The following PRAMEF20 variants were observed in gnomAD, a reference collection of about 807,000 sequenced individuals.
PRAMEF20 encodes PRAME family member 20/21.
In PRAMEF20, 27 loss-of-function variants were observed where a neutral mutation model predicts 32.4. The observed-to-expected ratio is 0.83, with a 90% confidence interval of 0.61 to 1.15. The LOEUF (loss-of-function observed/expected upper bound fraction) is 1.15, where lower values mean the gene tolerates loss of function less well. PRAMEF20 is among the 50% of genes most tolerant of loss of function. PRAMEF20 has a pLI of 0.00. For missense variants in PRAMEF20, 604 were observed against 584.5 expected, an observed-to-expected ratio of 1.03 and a Z score of -0.34; for synonymous variants, 256 against 235.4, an observed-to-expected ratio of 1.09 and a Z score of -0.80.
chr1:13,420,268 T>A (rs1192805615), intron 2 of PRAMEF20, among the ~76,000 whole-genome samples: 1 of 152,174 alleles, frequency 6.6e-6, no homozygotes, highest in African/African-American at 2.4e-5. Context: ...TGGAGTGCAG[T>A]GGCACGATCT....
At chr1:13,418,367 T>C (rs1641205755) in exon 2 of PRAMEF20, 2 of 1,613,902 alleles carry the variant, frequency 1.2e-6, no homozygotes, top group South Asian at 1.1e-5. Context: ...GAAGGTTTAG[T>C]ACACCTGTGC....
exon 2 of PRAMEF20, chr1:13,418,492 G>A (rs1228443310): frequency 3.3e-5 from 53 of 1,613,782 alleles, no homozygotes; most frequent in Middle Eastern, 1.6e-4. Flanking sequence ...GACACTGCCC[G>A]TCCTGGCAGA....
intron 2 of PRAMEF20, among the ~76,000 whole-genome samples, chr1:13,419,244 C>G (rs1641216569): frequency 6.6e-6 from 1 of 152,156 alleles, no homozygotes; most frequent in Non-Finnish European, 1.5e-5. Flanking sequence ...ACCTCTGCCT[C>G]CTGGGTTCAA....
intron 1 of PRAMEF20, among the ~76,000 whole-genome samples, chr1:13,417,910 T>TTGTGTGTGTGTGTGTGTGTGTGTGTG (rs71272484): frequency 1.3e-3 from 163 of 124,260 alleles, no homozygotes; most frequent in Non-Finnish European, 2.0e-3. Flanking sequence ...CCCGGCTAAT[T>TTGTGTGTGTGTGTGTGTGTGTGTGTG]TGTGTGTGTG....
exon 2 of PRAMEF20, chr1:13,418,700 G>A (rs1641211233): frequency 3.1e-6 from 5 of 1,613,402 alleles, no homozygotes; most frequent in East Asian, 2.2e-5. Flanking sequence ...CAGATGCTCA[G>A]GTGAGGAAGG....
At chr1:13,412,880 C>T (rs563931731), upstream of PRAMEF20, among the ~76,000 whole-genome samples, 11 of 152,040 alleles carry the variant, frequency 7.2e-5, no homozygotes, top group South Asian at 2.1e-4. Context: ...GCCAAAATGA[C>T]GCCACTGCAC....
intron 2 of PRAMEF20, 101 bp downstream of exon 3, chr1:13,418,801 G>A: frequency 4.4e-6 from 7 of 1,581,804 alleles, no homozygotes; most frequent in Non-Finnish European, 6.0e-6. Context: ...TAACAGTAAA[G>A]GGGACACTAG....
chr1:13,419,594 G>A (rs1238907103), intron 2 of PRAMEF20, among the ~76,000 whole-genome samples: 9 of 151,756 alleles, frequency 5.9e-5, no homozygotes, highest in Non-Finnish European at 1.0e-4. Flanking sequence ...GCTAATTTTT[G>A]TTGTATTTTT....
At chr1:13,418,775 C>G in intron 2 of PRAMEF20, 75 bp downstream of exon 3, 1 of 1,605,092 alleles carries the variant, frequency 6.2e-7, no homozygotes, top group Non-Finnish European at 8.5e-7. Flanking sequence ...CTACTGTGAG[C>G]CAGCCTATGA....
upstream of PRAMEF20, among the ~76,000 whole-genome samples, chr1:13,412,064 T>G (rs1014361086): frequency 5.9e-4 from 89 of 151,194 alleles, no homozygotes; most frequent in African/African-American, 2.1e-3. Flanking sequence ...TTTAATTAAT[T>G]TATTTATTTA....
At chr1:13,418,445 T>A (rs1289414380) in exon 2 of PRAMEF20, 1 of 1,613,840 alleles carries the variant, frequency 6.2e-7, no homozygotes, top group Non-Finnish European at 8.5e-7. Context: ...ACAGTCAACC[T>A]AGACTGTATC....
chr1:13,412,170 A>G (rs1641120979), upstream of PRAMEF20, among the ~76,000 whole-genome samples: 1 of 152,098 alleles, frequency 6.6e-6, no homozygotes, highest in Non-Finnish European at 1.5e-5. Context: ...GGCATGAGCC[A>G]CCACACCAAG....
exon 1 of PRAMEF20, chr1:13,416,552 G>A (rs968459563): frequency 6.2e-7 from 1 of 1,614,168 alleles, no homozygotes. Flanking sequence ...GCCTTCCTCT[G>A]GGGTCTCTGA....
At chr1:13,421,147 G>A in exon 3 of PRAMEF20, 1 of 1,613,952 alleles carries the variant, frequency 6.2e-7, no homozygotes, top group East Asian at 2.2e-5. Context: ...AGCTGATGGG[G>A]AGAGTGAGGG....
exon 3 of PRAMEF20, chr1:13,420,943 T>A (rs1641236186): frequency 1.2e-6 from 2 of 1,613,608 alleles, no homozygotes; most frequent in African/African-American, 2.7e-5. Context: ...CCATCCTGCC[T>A]GCCCTGAGCC....
chr1:13,420,783 G>T, exon 3 of PRAMEF20: 1 of 1,610,400 alleles, frequency 6.2e-7, no homozygotes, highest in East Asian at 2.2e-5. Context: ...AAGTACCCGA[G>T]CATTGGTCAA....
exon 3 of PRAMEF20, chr1:13,421,305 C>A: frequency 6.2e-7 from 1 of 1,612,852 alleles, no homozygotes; most frequent in Non-Finnish European, 8.5e-7. Context: ...TTTCTGAACA[C>A]TTGAAAACTA....
intron 1 of PRAMEF20, among the ~76,000 whole-genome samples, chr1:13,417,191 C>G (rs1324876558): frequency 6.6e-6 from 1 of 152,018 alleles, no homozygotes; most frequent in Non-Finnish European, 1.5e-5. Flanking sequence ...CCGCTGCTGA[C>G]TGGGGTGGCC....
chr1:13,415,008 C>A (rs1641154889), upstream of PRAMEF20, among the ~76,000 whole-genome samples: 1 of 149,948 alleles, frequency 6.7e-6, no homozygotes. Flanking sequence ...CCATATTGGT[C>A]AGGCTTGTCT....
Sources: allele counts gnomAD v4.1 joint callset (sites outside exome capture counted in the v4.1 genomes callset), GRCh38; gene constraint gnomAD v4.1.1; transcripts MANE v1.5; gene names NCBI Gene and HGNC (gene_info 2026-07-23, HGNC 2026-07-21).